Variants in TOX observed in about 807,000 individuals in gnomAD.
TOX encodes the protein thymocyte selection-associated high mobility group box protein TOX.
Under a neutral mutation model 53.7 loss-of-function variants are expected in TOX, and 11 were observed. The observed-to-expected ratio is 0.20, with a 90% CI of 0.13 to 0.34. The LOEUF is 0.34. TOX is among the 10% of genes least tolerant of loss of function. The probability of loss-of-function intolerance (pLI) is 1.00; values close to 1 mark genes in which losing one functional copy is unlikely to be tolerated. For missense variants in TOX, 570 were observed against 664.6 expected (o/e 0.86, Z 1.56); for synonymous variants, 225 against 245.3 (o/e 0.92, Z 0.77).
intron 1 of TOX, among the ~76,000 whole-genome samples, chr8:59,084,872 T>C (rs1804478962): frequency 6.6e-6 from 1 of 152,194 alleles, no homozygotes; most frequent in Non-Finnish European, 1.5e-5. Flanking sequence ...CCACAAATTT[T>C]AAACATTCTC....
intron 1 of TOX, among the ~76,000 whole-genome samples, chr8:59,036,925 C>T (rs1232827668): frequency 6.6e-6 from 1 of 152,218 alleles, no homozygotes; most frequent in African/African-American, 2.4e-5. Context: ...AGCCTTCATG[C>T]ATTTCTCCCC....
intron 1 of TOX, among the ~76,000 whole-genome samples, chr8:58,962,244 C>A (rs989445362): frequency 3.3e-5 from 5 of 152,194 alleles, no homozygotes; most frequent in Non-Finnish European, 7.3e-5. Context: ...GAAGTACCAA[C>A]ACTTAGGTAA....
chr8:58,857,068 A>G (rs757169745), intron 3 of TOX, among the ~76,000 whole-genome samples: 1 of 152,182 alleles, frequency 6.6e-6, no homozygotes, highest in Non-Finnish European at 1.5e-5. Context: ...TTATAGCCCT[A>G]GTATCTAGAA....
chr8:58,944,305 A>G (rs529983717), intron 2 of TOX, among the ~76,000 whole-genome samples: 2 of 152,336 alleles, frequency 1.3e-5, no homozygotes, highest in African/African-American at 4.8e-5. Flanking sequence ...TCAAGCCCAC[A>G]AGGGAACTGT....
At chr8:59,070,386 A>G (rs1410654772) in intron 1 of TOX, among the ~76,000 whole-genome samples, 2 of 146,382 alleles carry the variant, frequency 1.4e-5, no homozygotes, top group East Asian at 1.9e-4. Context: ...GCAAACCTCT[A>G]TCTATGCTTC....
chr8:58,880,377 A>G (rs1811363014), intron 3 of TOX, among the ~76,000 whole-genome samples: 1 of 152,232 alleles, frequency 6.6e-6, no homozygotes, highest in Non-Finnish European at 1.5e-5. Context: ...AGAGTTAAAT[A>G]ATACATGCAA....
At chr8:58,985,834 TTCC>T (rs1813318477) in intron 1 of TOX, among the ~76,000 whole-genome samples, 1 of 152,212 alleles carries the variant, frequency 6.6e-6, no homozygotes, top group Non-Finnish European at 1.5e-5. Context: ...TATGAAATGA[TTCC>T]CTACACTTTG....
At chr8:58,970,059 A>T (rs1003172950) in intron 1 of TOX, among the ~76,000 whole-genome samples, 5 of 152,210 alleles carry the variant, frequency 3.3e-5, no homozygotes, top group African/African-American at 1.2e-4. Flanking sequence ...TAGATAAAAA[A>T]TGTGATATCA....
intron 1 of TOX, among the ~76,000 whole-genome samples, chr8:59,111,463 A>C (rs1805016038): frequency 6.6e-6 from 1 of 152,086 alleles, no homozygotes; most frequent in African/African-American, 2.4e-5. Flanking sequence ...ATACACATTG[A>C]GGAAGTCTGC....
chr8:59,113,221 A>G (rs1432720278), intron 1 of TOX, among the ~76,000 whole-genome samples: 1 of 152,220 alleles, frequency 6.6e-6, no homozygotes, highest in Admixed American at 6.5e-5. Context: ...GAATCTAAAC[A>G]TAGCCTTCTC....
At chr8:58,953,147 C>T (rs1284418473) in intron 2 of TOX, among the ~76,000 whole-genome samples, 1 of 151,790 alleles carries the variant, frequency 6.6e-6, no homozygotes, top group Non-Finnish European at 1.5e-5. Context: ...ATAATAAAGG[C>T]TGGATGGGTC....
chr8:59,032,623 G>T (rs115259809), intron 1 of TOX, among the ~76,000 whole-genome samples: 1 of 152,116 alleles, frequency 6.6e-6, no homozygotes, highest in African/African-American at 2.4e-5. Flanking sequence ...TGTGAGTCCA[G>T]GCAATGTGTT....
intron 1 of TOX, among the ~76,000 whole-genome samples, chr8:58,963,990 A>G (rs1026781271): frequency 6.6e-6 from 1 of 151,682 alleles, no homozygotes; most frequent in Non-Finnish European, 1.5e-5. Context: ...CTTTCGGAGA[A>G]TGGTTTGATG....
At chr8:59,112,744 C>T (rs1300591237) in intron 1 of TOX, among the ~76,000 whole-genome samples, 2 of 152,104 alleles carry the variant, frequency 1.3e-5, no homozygotes, top group Non-Finnish European at 2.9e-5. Flanking sequence ...TTCTTGAGGG[C>T]AAGAACTACA....
chr8:58,955,864 A>G (rs1459566842), intron 2 of TOX, among the ~76,000 whole-genome samples: 1 of 151,494 alleles, frequency 6.6e-6, no homozygotes, highest in Non-Finnish European at 1.5e-5. Flanking sequence ...CCTCCCGAGT[A>G]GCTGGGATTA....
chr8:59,099,305 C>T (rs1467929155), intron 1 of TOX, among the ~76,000 whole-genome samples: 3 of 152,146 alleles, frequency 2.0e-5, no homozygotes, highest in Non-Finnish European at 4.4e-5. Context: ...CTGTAATTAA[C>T]ATCCAGGGCC....
At chr8:58,870,640 A>G (rs1003347334) in intron 3 of TOX, among the ~76,000 whole-genome samples, 23 of 152,124 alleles carry the variant, frequency 1.5e-4, no homozygotes, top group African/African-American at 5.6e-4. Flanking sequence ...TTACTATAAG[A>G]CTTGCAATAA....
rs370909216 is a variant in TOX at position 58,946,911 on chromosome 8, G to A, written c.169-7367C>T. Among the ~76,000 whole-genome samples, 8 of 152,152 alleles carry A rather than the reference G, an allele frequency of 5.3e-5. No individual in the cohort carries two copies. The East Asian group carries it at 5.8e-4, about 11-fold the overall frequency. On this transcript the variant is annotated intron_variant, in intron 2 of 8. Coordinates refer to ENST00000361421, the MANE Select transcript of TOX (RefSeq NM_014729.3). ...GAATCAGGCTTATTTATAAAATTGC[G>A]TAAGAAACACTGGCAAATTATAGGT... is the stretch of plus-strand genomic sequence containing the variant.
At chr8:58,875,772 G>C (rs941581962) in intron 3 of TOX, among the ~76,000 whole-genome samples, 1 of 152,186 alleles carries the variant, frequency 6.6e-6, no homozygotes, top group Admixed American at 6.5e-5. Flanking sequence ...TCAATTCTCT[G>C]TTAGCCACAA....
Sources: allele counts gnomAD v4.1 joint callset (sites outside exome capture counted in the v4.1 genomes callset), GRCh38; gene constraint gnomAD v4.1.1; transcripts MANE v1.5; gene names NCBI Gene and HGNC (gene_info 2026-07-23, HGNC 2026-07-21).